Variants in EPB41L4A observed in about 807,000 individuals in gnomAD.
The protein encoded by EPB41L4A is erythrocyte membrane protein band 4.1 like 4A, also known as band 4.1-like protein 4A.
A neutral mutation model predicts 108.6 loss-of-function variants in EPB41L4A; 100 were observed. The ratio of observed to expected loss-of-function variants is 0.92; its 90% CI spans 0.78 to 1.09. EPB41L4A has a LOEUF of 1.09. Among genes scored for constraint, EPB41L4A ranks in the 50% least tolerant of loss-of-function variants. The pLI, the probability that EPB41L4A is intolerant of heterozygous loss-of-function variation, is 0.00. For synonymous variants in EPB41L4A, 319 were observed against 289.0 expected, an observed-to-expected ratio of 1.10 and a Z score of -1.05; for missense variants, 1,030 against 842.7, an observed-to-expected ratio of 1.22 and a Z score of -2.75.
chr5:112,209,003 C>T (rs897035182), intron 13 of EPB41L4A, among the ~76,000 whole-genome samples: 3 of 152,144 alleles, frequency 2.0e-5, no homozygotes, highest in African/African-American at 7.2e-5. Flanking sequence ...CAAATCCCTG[C>T]GTAAAATATT....
intron 1 of EPB41L4A, among the ~76,000 whole-genome samples, chr5:112,311,650 C>A (rs370490403): frequency 9.2e-5 from 14 of 152,310 alleles, no homozygotes; most frequent in African/African-American, 2.9e-4. Context: ...TTCTGGTCCA[C>A]TGAGACCAGA....
chr5:112,347,110 G>A lies in EPB41L4A; in HGVS notation c.100-39620C>T, dbSNP rs149818411. ...CTGTGAGGAAACAGCAAATGTCAAA[G>A]CATCTGAAAGCTATAAGCAGTATCA... On this transcript the variant is annotated intron_variant, in intron 1 of 22. Coordinates refer to ENST00000261486, the MANE Select transcript of EPB41L4A (RefSeq NM_022140.5). Among the ~76,000 whole-genome samples the A allele has an allele frequency of 7.0e-4, 107 of 152,330 alleles. 2 individuals are homozygous for A. Among genetic ancestry groups the A allele is most frequent in the African/African-American group, 2.2e-3 (90 of 41,586 alleles).
chr5:112,231,791 C>CAG (rs1748963655), intron 12 of EPB41L4A, among the ~76,000 whole-genome samples: 1 of 37,618 alleles, frequency 2.7e-5, no homozygotes. Flanking sequence ...GACTCCGTCT[C>CAG]AAAAAAAAAA....
At chr5:112,284,487 C>T (rs1753157583) in intron 2 of EPB41L4A, among the ~76,000 whole-genome samples, 1 of 152,152 alleles carries the variant, frequency 6.6e-6, no homozygotes, top group Non-Finnish European at 1.5e-5. Context: ...AACATTCAAG[C>T]TGTCCATTCT....
chr5:112,397,187 T>A (rs903059063), intron 1 of EPB41L4A, among the ~76,000 whole-genome samples: 1 of 152,186 alleles, frequency 6.6e-6, no homozygotes, highest in African/African-American at 2.4e-5. Flanking sequence ...GAAAATGAAG[T>A]ATTTGGTTTT....
intron 9 of EPB41L4A, among the ~76,000 whole-genome samples, chr5:112,246,046 T>A (rs890899680): frequency 6.6e-6 from 1 of 152,166 alleles, no homozygotes; most frequent in Non-Finnish European, 1.5e-5. Context: ...CAGAAAGTGT[T>A]TTCCTTAGCA....
rs947926908 is a variant in EPB41L4A at position 112,181,522 on chromosome 5, C to T, written c.1622+2494G>A. On this transcript the variant is annotated intron_variant, in intron 18 of 22. Coordinates refer to ENST00000261486, the MANE Select transcript of EPB41L4A (RefSeq NM_022140.5). ...TTCTACTCCTAGGTATTTGCCCAAG[C>T]GAAAGAAAACAAATTCCACACACAT... Among the ~76,000 whole-genome samples, 5 of 151,780 alleles carry T rather than the reference C, an allele frequency of 3.3e-5. No individual in the cohort carries two copies. In the East Asian group the frequency reaches 5.8e-4, roughly 18 times the overall value.
chr5:112,395,011 A>G (rs1271968020), intron 1 of EPB41L4A, among the ~76,000 whole-genome samples: 1 of 152,244 alleles, frequency 6.6e-6, no homozygotes, highest in Non-Finnish European at 1.5e-5. Flanking sequence ...TCCCTATTTA[A>G]TAAATGGTGC....
rs999496034 is a variant in EPB41L4A, at chr5:112,164,377, A to G, written c.*613T>C. The G allele has an allele frequency of 6.6e-6, 1 of 152,258 alleles. No homozygotes were observed. 9.4% of individuals were successfully genotyped at this position (152,258 alleles called of 1,614,324 possible). A position where few individuals can be genotyped will look rare whatever the true frequency, so the allele number is the denominator to read the frequency against. On this transcript the variant is annotated 3_prime_UTR_variant, in exon 23 of 23. Coordinates refer to ENST00000261486, the MANE Select transcript of EPB41L4A (RefSeq NM_022140.5). ...TACTATTGCACAGCAGGCTAGCTGC[A>G]GTTCAGAATTCCAGAATGTTCATCA...
intron 1 of EPB41L4A, among the ~76,000 whole-genome samples, chr5:112,353,413 A>G (rs957221444): frequency 2.6e-5 from 4 of 152,124 alleles, no homozygotes; most frequent in African/African-American, 9.7e-5. Context: ...TGACATGGAC[A>G]ATGGAAGCAG....
chr5:112,248,004 A>G (rs1261799762), intron 9 of EPB41L4A, among the ~76,000 whole-genome samples: 4 of 152,312 alleles, frequency 2.6e-5, no homozygotes, highest in South Asian at 4.1e-4. Flanking sequence ...AATATATTAA[A>G]GGATCAAAAG....
At chr5:112,330,492 G>A (rs1278078479) in intron 1 of EPB41L4A, among the ~76,000 whole-genome samples, 1 of 152,064 alleles carries the variant, frequency 6.6e-6, no homozygotes, top group Admixed American at 6.6e-5. Context: ...CAGGATGCAG[G>A]GTATCAGTGG....
chr5:112,262,688 T>C, intron 6 of EPB41L4A, 107 bp from the exon 7 acceptor site: 16 of 960,920 alleles, frequency 1.7e-5, no homozygotes, highest in East Asian at 2.5e-5. Context: ...TAATACTTTT[T>C]ACTAATGCAA....
intron 3 of EPB41L4A, among the ~76,000 whole-genome samples, chr5:112,276,113 T>C (rs531914544): frequency 6.6e-6 from 1 of 151,914 alleles, no homozygotes; most frequent in Admixed American, 6.5e-5. Flanking sequence ...AACTCTTACC[T>C]TTTTTTACAG....
intron 18 of EPB41L4A, chr5:112,173,568 T>A (rs963824760): frequency 6.6e-6 from 1 of 151,986 alleles, no homozygotes; most frequent in East Asian, 1.9e-4. Flanking sequence ...GTTTTTTTTT[T>A]TAAATATACT....
chr5:112,275,232 A>T, intron 4 of EPB41L4A, 94 bp downstream of exon 4: 2 of 1,415,052 alleles, frequency 1.4e-6, no homozygotes, highest in Admixed American at 2.8e-5. Flanking sequence ...GTAGACACAC[A>T]TCCAAACGTT....
rs138121141 is a variant in EPB41L4A, at chr5:112,252,489, C to G, written c.795+6740G>C. On this transcript the variant is annotated intron_variant, in intron 9 of 22. Transcript: ENST00000261486. The stretch of plus-strand genomic sequence containing the variant: ...ATACCAAAAAAGGAAGATATTAGCC[C>G]TAAAATGATGGGGGCAGATCCCAAA... Among the ~76,000 whole-genome samples, 25 of 152,138 alleles carry G rather than the reference C, an allele frequency of 1.6e-4. No individual in the cohort carries two copies. The East Asian group carries it at 4.6e-3, about 28-fold the overall frequency.
intron 17 of EPB41L4A, among the ~76,000 whole-genome samples, chr5:112,187,683 A>G (rs1016765317): frequency 5.3e-5 from 8 of 152,308 alleles, no homozygotes; most frequent in Admixed American, 1.3e-4. Flanking sequence ...ATGAATTCTT[A>G]CACAAATCCC....
At chr5:112,337,844 G>A (rs1254782985) in intron 1 of EPB41L4A, among the ~76,000 whole-genome samples, 5 of 152,128 alleles carry the variant, frequency 3.3e-5, no homozygotes, top group Admixed American at 3.3e-4. Flanking sequence ...CTCACAGATG[G>A]AAGCCTTTGG....
Sources: gnomAD v4.1 joint callset for allele counts (sites outside exome capture counted in the v4.1 genomes callset) on GRCh38, gnomAD v4.1.1 for gene constraint, MANE v1.5 for transcripts, NCBI Gene and HGNC (gene_info 2026-07-23, HGNC 2026-07-21) for gene names.